Variants in RAB20 observed in about 807,000 individuals in gnomAD.
RAB20 encodes ras-related protein Rab-20.
RAB20 carries 2 observed loss-of-function variants against 3.7 expected under a neutral mutation model. The observed-to-expected ratio is 0.54, with a 90% CI of 0.22 to 1.69. RAB20 has a LOEUF of 1.69. Ranked by LOEUF, RAB20 falls within the 40% of genes most tolerant of loss-of-function variation. RAB20 has a pLI of 0.19. For synonymous variants in RAB20, 126 were observed against 130.8 expected (o/e 0.96, Z 0.25); for missense variants, 276 against 311.9 (o/e 0.88, Z 0.87).
intron 1 of RAB20, among the ~76,000 whole-genome samples, chr13:110,559,607 A>G (rs1285495898): frequency 6.6e-6 from 1 of 152,188 alleles, no homozygotes; most frequent in Non-Finnish European, 1.5e-5. Flanking sequence ...CTCTGTTCTG[A>G]GGAGCTCTAG....
At chr13:110,542,549 T>C (rs1443455359) in intron 1 of RAB20, among the ~76,000 whole-genome samples, 2 of 152,230 alleles carry the variant, frequency 1.3e-5, no homozygotes, top group Non-Finnish European at 2.9e-5. Context: ...GTTCAACTTG[T>C]TCAGATGCCA....
intron 1 of RAB20, among the ~76,000 whole-genome samples, chr13:110,543,155 G>A (rs1884795036): frequency 6.6e-6 from 1 of 151,392 alleles, no homozygotes; most frequent in African/African-American, 2.4e-5. Context: ...TTTTATTTTA[G>A]AGACAAAGTC....
At position 110,561,575 on chromosome 13, in the gene RAB20, G is replaced by C; in HGVS notation, c.-56C>G. Reference sequence around the variant, plus strand: ...CCCTCTCCCCGAGGCTGGCCGGCTCGTGCGCCCTGGGCGCAGCTGGAGGAG... The same window carrying C: ...CCCTCTCCCCGAGGCTGGCCGGCTCCTGCGCCCTGGGCGCAGCTGGAGGAG... On this transcript the variant is annotated 5_prime_UTR_variant, in exon 1 of 2. Transcript: ENST00000267328. 6.7e-7 allele frequency: 1 copy of C among 1,500,102 alleles called. No individual in the cohort carries two copies. The highest frequency in any genetic ancestry group is 8.9e-7 in the Non-Finnish European group (1 of 1,127,202). The allele number at this position is 1,500,102 out of a possible 1,614,324, so 92.9% of individuals were successfully genotyped here.
chr13:110,532,223 C>T (rs1422139083), intron 1 of RAB20, among the ~76,000 whole-genome samples: 1 of 152,054 alleles, frequency 6.6e-6, no homozygotes, highest in Admixed American at 6.5e-5. Flanking sequence ...CCAGGTGCAC[C>T]AGGAGTGAAA....
At chr13:110,560,612 T>C (rs984029055) in intron 1 of RAB20, among the ~76,000 whole-genome samples, 6 of 152,176 alleles carry the variant, frequency 3.9e-5, no homozygotes, top group African/African-American at 1.4e-4. Flanking sequence ...GAAGGAAATA[T>C]ATTCCATTGC....
At chr13:110,540,540 C>A (rs892437940) in intron 1 of RAB20, among the ~76,000 whole-genome samples, 5 of 152,052 alleles carry the variant, frequency 3.3e-5, no homozygotes, top group African/African-American at 1.2e-4. Flanking sequence ...GTCAGGAGTT[C>A]GAGACCAGCC....
intron 1 of RAB20, among the ~76,000 whole-genome samples, chr13:110,525,856 C>T (rs1031904728): frequency 6.6e-6 from 1 of 152,236 alleles, no homozygotes; most frequent in Admixed American, 6.5e-5. Flanking sequence ...TCTCGAGGAC[C>T]GAGCAGGCTG....
intron 1 of RAB20, among the ~76,000 whole-genome samples, chr13:110,542,982 A>G (rs1332964174): frequency 1.3e-5 from 2 of 152,148 alleles, no homozygotes; most frequent in Non-Finnish European, 2.9e-5. Context: ...GATGACAGCC[A>G]TTCTAACAGG....
At chr13:110,529,672 C>T (rs1371211494) in intron 1 of RAB20, among the ~76,000 whole-genome samples, 2 of 152,198 alleles carry the variant, frequency 1.3e-5, no homozygotes, top group Non-Finnish European at 2.9e-5. Flanking sequence ...GGCTGCCGAG[C>T]CTGTGTGGCC....
At chr13:110,557,066 C>T (rs9521840) in intron 1 of RAB20, among the ~76,000 whole-genome samples, 31,274 of 151,998 alleles carry the variant, frequency 0.21, 3,485 homozygotes, top group Non-Finnish European at 0.24. Context: ...CAGAAGGAAG[C>T]GAGAAGCATA....
At chr13:110,557,032 T>C (rs1040928575) in intron 1 of RAB20, among the ~76,000 whole-genome samples, 5 of 152,108 alleles carry the variant, frequency 3.3e-5, no homozygotes, top group African/African-American at 1.2e-4. Context: ...AAGGTGCACA[T>C]GAACAGCCCT....
At chr13:110,558,068 A>G (rs1375009161) in intron 1 of RAB20, among the ~76,000 whole-genome samples, 1 of 152,262 alleles carries the variant, frequency 6.6e-6, no homozygotes, top group Non-Finnish European at 1.5e-5. Flanking sequence ...GGGCCCAAAC[A>G]GTGCCCGGCA....
chr13:110,556,142 G>T (rs1247030995), intron 1 of RAB20, among the ~76,000 whole-genome samples: 2 of 152,216 alleles, frequency 1.3e-5, no homozygotes, highest in Non-Finnish European at 2.9e-5. Flanking sequence ...CACAGCTGTG[G>T]TCGGCAGATG....
At chr13:110,560,640 T>C (rs1885113773) in intron 1 of RAB20, among the ~76,000 whole-genome samples, 1 of 152,146 alleles carries the variant, frequency 6.6e-6, no homozygotes, top group South Asian at 2.1e-4. Flanking sequence ...CAATCACCAG[T>C]GTTATTTTCC....
intron 1 of RAB20, among the ~76,000 whole-genome samples, chr13:110,558,986 A>G (rs1054228635): frequency 4.6e-5 from 7 of 151,940 alleles, no homozygotes; most frequent in Non-Finnish European, 4.4e-5. Flanking sequence ...ATGAGCCACC[A>G]CGCCTGGCCC....
intron 1 of RAB20, among the ~76,000 whole-genome samples, chr13:110,547,729 G>A (rs1480131391): frequency 6.6e-6 from 1 of 152,170 alleles, no homozygotes; most frequent in African/African-American, 2.4e-5. Flanking sequence ...ATGGGGAAGC[G>A]TTTTGCAGAG....
At chr13:110,527,198 C>T (rs546798894) in intron 1 of RAB20, among the ~76,000 whole-genome samples, 47 of 152,256 alleles carry the variant, frequency 3.1e-4, no homozygotes, top group African/African-American at 1.1e-3. Context: ...ACGCCAAGTC[C>T]TCAAACCTTG....
At chr13:110,526,730 C>G (rs1319733813) in intron 1 of RAB20, among the ~76,000 whole-genome samples, 1 of 152,216 alleles carries the variant, frequency 6.6e-6, no homozygotes, top group Non-Finnish European at 1.5e-5. Flanking sequence ...TCATCACCAA[C>G]AGGGCCAGCA....
intron 1 of RAB20, among the ~76,000 whole-genome samples, chr13:110,550,317 G>C (rs1008997125): frequency 1.3e-5 from 2 of 152,134 alleles, no homozygotes; most frequent in African/African-American, 2.4e-5. Flanking sequence ...GCAATATCCT[G>C]TCTAATAACT....
Sources: allele counts gnomAD v4.1 joint callset (sites outside exome capture counted in the v4.1 genomes callset), GRCh38; gene constraint gnomAD v4.1.1; transcripts MANE v1.5; gene names NCBI Gene and HGNC (gene_info 2026-07-23, HGNC 2026-07-21).